The following PAPSS2 variants were observed in gnomAD, a reference collection of about 807,000 sequenced individuals.
The protein encoded by PAPSS2 is 3'-phosphoadenosine 5'-phosphosulfate synthase 2.
Under a neutral mutation model 66.5 loss-of-function variants are expected in PAPSS2, and 61 were observed. That is an observed-to-expected ratio of 0.92 (90% CI 0.75 to 1.14). PAPSS2 has a LOEUF of 1.14. Ranked by LOEUF, PAPSS2 falls within the 50% of genes most tolerant of loss-of-function variation. The pLI, the probability that PAPSS2 is intolerant of heterozygous loss-of-function variation, is 0.00. For missense variants in PAPSS2, 708 were observed against 789.6 expected, an observed-to-expected ratio of 0.90 and a Z score of 1.24; for synonymous variants, 289 against 287.5, an observed-to-expected ratio of 1.01 and a Z score of -0.05.
chr10:87,661,503 A>G (rs1296301950), intron 1 of PAPSS2, among the ~76,000 whole-genome samples: 3 of 152,184 alleles, frequency 2.0e-5, no homozygotes, highest in South Asian at 2.1e-4. Flanking sequence ...GTAGCTTTTT[A>G]TATCAGTGGG....
intron 1 of PAPSS2, among the ~76,000 whole-genome samples, chr10:87,696,791 GT>G (rs1247333992): frequency 6.6e-6 from 1 of 152,186 alleles, no homozygotes; most frequent in African/African-American, 2.4e-5. Context: ...TCGTGATTTT[GT>G]TTGTTGCTAA....
At chr10:87,660,126 A>T in intron 1 of PAPSS2, 118 bp downstream of exon 1, 1 of 1,024,868 alleles carries the variant, frequency 9.8e-7, no homozygotes, top group Non-Finnish European at 1.5e-6. Flanking sequence ...CGGGAGGAGG[A>T]GTAAGAGTGG....
chr10:87,721,386 G>A (rs1364359764), intron 7 of PAPSS2, among the ~76,000 whole-genome samples: 1 of 152,146 alleles, frequency 6.6e-6, no homozygotes, highest in Non-Finnish European at 1.5e-5. Context: ...GTGGTTGTGA[G>A]ATCACATGTT....
At chr10:87,741,162 A>T (rs1853863520) in intron 9 of PAPSS2, 73 bp from the exon 10 acceptor site, 1 of 1,489,602 alleles carries the variant, frequency 6.7e-7, no homozygotes, top group Non-Finnish European at 9.4e-7. Flanking sequence ...AGATTGGTCT[A>T]AAAGGAGAAA....
At chr10:87,716,329 T>C (rs1355897490) in intron 7 of PAPSS2, among the ~76,000 whole-genome samples, 1 of 152,186 alleles carries the variant, frequency 6.6e-6, no homozygotes, top group Non-Finnish European at 1.5e-5. Context: ...ATGAAATATA[T>C]TAAAATGGTT....
At chr10:87,696,892 G>A (rs956469115) in intron 1 of PAPSS2, among the ~76,000 whole-genome samples, 7 of 152,180 alleles carry the variant, frequency 4.6e-5, no homozygotes, top group Non-Finnish European at 8.8e-5. Context: ...GATGGTGCAA[G>A]GAGTTCCCAT....
At chr10:87,710,718 AG>A (rs1270825905) in intron 2 of PAPSS2, among the ~76,000 whole-genome samples, 1 of 152,198 alleles carries the variant, frequency 6.6e-6, no homozygotes, top group East Asian at 1.9e-4. Flanking sequence ...TAAAAAATCA[AG>A]GCCGGGCTTG....
At chr10:87,721,379 G>A (rs1000189995) in intron 7 of PAPSS2, among the ~76,000 whole-genome samples, 2 of 152,134 alleles carry the variant, frequency 1.3e-5, no homozygotes, top group East Asian at 3.8e-4. Flanking sequence ...TTCTACAGTG[G>A]TTGTGAGATC....
rs112298562 is a variant in PAPSS2, at chr10:87,712,964, C to CT, written c.146-97dup. ...GTCAACTACACTGATTTCTTTCTTT[C>CT]TTTTTTTTTTTTTTAAGATTTAGTT... On this transcript the variant is annotated intron_variant, in intron 2 of 12. Transcript: ENST00000456849. The CT allele has an allele frequency of 0.028, 17,049 of 608,014 alleles. 86 individuals carry two copies. Among genetic ancestry groups the CT allele is most frequent in the East Asian group, 0.067 (2,133 of 31,870 alleles). 37.7% of individuals were successfully genotyped at this position (608,014 alleles called of 1,614,324 possible).
intron 1 of PAPSS2, among the ~76,000 whole-genome samples, chr10:87,679,445 C>T (rs1471364395): frequency 6.6e-6 from 1 of 152,108 alleles, no homozygotes; most frequent in Non-Finnish European, 1.5e-5. Context: ...GAATTGTTCT[C>T]AACACATAAA....
At position 87,733,587 on chromosome 10, in the gene PAPSS2, T is replaced by C. The variant is rs188766915; in HGVS notation, c.1086+6098T>C. 3.4e-3 allele frequency among the ~76,000 whole-genome samples: 525 copies of C among 152,276 alleles called. 4 individuals are homozygous for C. The highest frequency in any genetic ancestry group is 0.012 in the African/African-American group (488 of 41,550). On this transcript the variant is annotated intron_variant, in intron 9 of 12. Coordinates refer to ENST00000456849, the MANE Select transcript of PAPSS2 (RefSeq NM_001015880.2). ...ACAATGAAAACCATATGGTTAGTTA[T>C]ATCAACAGAATCACCTGAGGAGCTT...
At chr10:87,695,752 A>C (rs1395890626) in intron 1 of PAPSS2, among the ~76,000 whole-genome samples, 1 of 152,230 alleles carries the variant, frequency 6.6e-6, no homozygotes, top group African/African-American at 2.4e-5. Flanking sequence ...ATAATTAGAG[A>C]GGAAGGAGAG....
At chr10:87,737,811 A>G (rs1589443057) in intron 9 of PAPSS2, among the ~76,000 whole-genome samples, 1 of 152,222 alleles carries the variant, frequency 6.6e-6, no homozygotes, top group East Asian at 1.9e-4. Context: ...ACCTGCCTCA[A>G]ACAAAAACAA....
intron 1 of PAPSS2, among the ~76,000 whole-genome samples, chr10:87,662,549 T>C (rs1852765040): frequency 6.6e-6 from 1 of 151,252 alleles, no homozygotes; most frequent in Non-Finnish European, 1.5e-5. Flanking sequence ...CAACCCTGGC[T>C]ACCCTCCCAC....
At chr10:87,688,660 C>G (rs1464248720) in intron 1 of PAPSS2, among the ~76,000 whole-genome samples, 1 of 151,892 alleles carries the variant, frequency 6.6e-6, no homozygotes, top group Non-Finnish European at 1.5e-5. Context: ...CGGGGTTTCA[C>G]TGTGTTAGCC....
chr10:87,688,443 T>TTTTATTTTATTTATTTATTTA (rs541821509), intron 1 of PAPSS2, among the ~76,000 whole-genome samples: 151 of 138,128 alleles, frequency 1.1e-3, no homozygotes, highest in African/African-American at 1.6e-3. Context: ...TTCTTTTTTA[T>TTTTATTTTATTTATTTATTTA]TTTATTTATT....
intron 1 of PAPSS2, among the ~76,000 whole-genome samples, chr10:87,695,233 C>G (rs889934297): frequency 3.3e-5 from 5 of 151,776 alleles, no homozygotes; most frequent in African/African-American, 1.2e-4. Flanking sequence ...TGCCTTCTTG[C>G]TATAAGCTCA....
At chr10:87,731,399 A>G (rs757254594) in intron 9 of PAPSS2, among the ~76,000 whole-genome samples, 1 of 152,244 alleles carries the variant, frequency 6.6e-6, no homozygotes, top group South Asian at 2.1e-4. Context: ...AGGAAGATGT[A>G]TAAGGAGATT....
intron 2 of PAPSS2, among the ~76,000 whole-genome samples, chr10:87,709,691 A>G (rs1175748690): frequency 6.6e-6 from 1 of 152,224 alleles, no homozygotes; most frequent in African/African-American, 2.4e-5. Context: ...ATTTGACATC[A>G]AGCATTTGGC....
Sources: gnomAD v4.1 joint callset for allele counts (sites outside exome capture counted in the v4.1 genomes callset) on GRCh38, gnomAD v4.1.1 for gene constraint, MANE v1.5 for transcripts, NCBI Gene and HGNC (gene_info 2026-07-23, HGNC 2026-07-21) for gene names.